Variants in NAV2 observed in about 807,000 individuals in gnomAD.
NAV2 encodes helicase, APC down-regulated 1.
NAV2 carries 54 observed loss-of-function variants against 223.2 expected under a neutral mutation model. The observed-to-expected ratio is 0.24, with a 90% CI of 0.19 to 0.30. The LOEUF is 0.30. NAV2 is among the 10% of genes least tolerant of loss of function. The pLI is 1.00. For missense variants in NAV2, 2,806 were observed against 3,147.5 expected (o/e 0.89, Z 2.60); for synonymous variants, 1,279 against 1,239.3 (o/e 1.03, Z -0.67).
chr11:19,495,857 T>C (rs953064807), intron 1 of NAV2, among the ~76,000 whole-genome samples: 1 of 152,158 alleles, frequency 6.6e-6, no homozygotes, highest in Admixed American at 6.5e-5. Flanking sequence ...TGCTGTCCAC[T>C]TCTCTGATAA....
At chr11:19,946,370 A>G in intron 8 of NAV2, 31 bp from the exon 9 acceptor site, 1 of 1,586,236 alleles carries the variant, frequency 6.3e-7, no homozygotes, top group Non-Finnish European at 8.6e-7. Context: ...TGGTCAGAGA[A>G]TTAAACTAGT....
intron 1 of NAV2, among the ~76,000 whole-genome samples, chr11:19,783,935 AC>A (rs1333820069): frequency 6.6e-6 from 1 of 152,244 alleles, no homozygotes; most frequent in Non-Finnish European, 1.5e-5. Flanking sequence ...ATATGAGTCA[AC>A]AAAAAAGTTT....
chr11:19,576,879 G>T (rs1410963115), intron 1 of NAV2, among the ~76,000 whole-genome samples: 3 of 152,214 alleles, frequency 2.0e-5, no homozygotes, highest in African/African-American at 7.2e-5. Flanking sequence ...CTGGGAAGGT[G>T]TCCTGGGGTC....
intron 11 of NAV2, among the ~76,000 whole-genome samples, chr11:19,987,396 A>G (rs2050891757): frequency 6.6e-6 from 1 of 152,234 alleles, no homozygotes; most frequent in Non-Finnish European, 1.5e-5. Flanking sequence ...AATAGACCAC[A>G]TGAGTTCTAC....
chr11:19,566,571 C>T (rs1379922375), intron 1 of NAV2, among the ~76,000 whole-genome samples: 4 of 152,186 alleles, frequency 2.6e-5, no homozygotes, highest in Non-Finnish European at 5.9e-5. Flanking sequence ...GGCAGCCACC[C>T]CTGTGCCTGA....
Position 19,712,931 on chromosome 11 carries a change from G to A in NAV2, c.-765G>A, listed in dbSNP as rs1462137323. Among the ~76,000 whole-genome samples, 1 of 151,594 alleles carries A rather than the reference G, an allele frequency of 6.6e-6. No individual in the cohort carries two copies. The highest frequency in any genetic ancestry group is 2.4e-5 in the African/African-American group (1 of 41,378). ...CAGCCCTGCCCGGCCCGCCAGCCGC[G>A]CGTCCCGGCGCCCGCGCCCCACGGC... is the stretch of plus-strand genomic sequence containing the variant. On this transcript the variant is annotated 5_prime_UTR_variant, in exon 1 of 38. Coordinates refer to ENST00000349880, the MANE Select transcript of NAV2 (RefSeq NM_145117.5).
intron 1 of NAV2, among the ~76,000 whole-genome samples, chr11:19,533,004 T>C (rs575573595): frequency 6.6e-6 from 1 of 152,324 alleles, no homozygotes; most frequent in African/African-American, 2.4e-5. Flanking sequence ...TGTCCACACA[T>C]AGTGGTACTG....
chr11:19,667,739 G>T (rs1565152034), intron 1 of NAV2, among the ~76,000 whole-genome samples: 1 of 152,210 alleles, frequency 6.6e-6, no homozygotes, highest in South Asian at 2.1e-4. Context: ...TCTTTGCTAT[G>T]AGATTAGCTA....
chr11:19,401,300 CA>C (rs1307266561), intron 1 of NAV2, among the ~76,000 whole-genome samples: 8 of 152,192 alleles, frequency 5.3e-5, no homozygotes, highest in Non-Finnish European at 8.8e-5. Context: ...AATATAAAGA[CA>C]AAACCAAATA....
chr11:19,655,905 A>G (rs910122262), intron 1 of NAV2, among the ~76,000 whole-genome samples: 1 of 152,162 alleles, frequency 6.6e-6, no homozygotes, highest in African/African-American at 2.4e-5. Flanking sequence ...AAAATTTAAA[A>G]AAAAGAATCT....
At chr11:19,618,574 C>G (rs1232095347) in intron 1 of NAV2, among the ~76,000 whole-genome samples, 1 of 152,026 alleles carries the variant, frequency 6.6e-6, no homozygotes, top group Non-Finnish European at 1.5e-5. Flanking sequence ...TCCTTGTCAT[C>G]AGGAGAAGCA....
chr11:19,563,057 C>G (rs2045153570), intron 1 of NAV2, among the ~76,000 whole-genome samples: 1 of 152,180 alleles, frequency 6.6e-6, no homozygotes, highest in South Asian at 2.1e-4. Flanking sequence ...AAAGCAGAAG[C>G]TGGGACACTG....
chr11:20,118,510 G>A lies in NAV2; in HGVS notation c.*252G>A. ...ACTTTAATTATTGTTTTGCCTTGTT[G>A]CTGTGACCTCCCTAAGACACTGAAG... is the stretch of plus-strand genomic sequence containing the variant. On this transcript the variant is annotated 3_prime_UTR_variant, in exon 38 of 38. Coordinates refer to ENST00000349880, the MANE Select transcript of NAV2 (RefSeq NM_145117.5). 2.4e-6 allele frequency: 1 copy of A among 423,052 alleles called. No homozygotes were observed. The highest frequency in any genetic ancestry group is 3.1e-5 in the South Asian group (1 of 32,134). 26.2% of individuals were successfully genotyped at this position (423,052 alleles called of 1,614,324 possible).
At chr11:19,894,645 C>T (rs1461856566) in intron 6 of NAV2, among the ~76,000 whole-genome samples, 1 of 152,204 alleles carries the variant, frequency 6.6e-6, no homozygotes, top group East Asian at 1.9e-4. Context: ...AACAACGAGG[C>T]CCCTTAAAGG....
intron 1 of NAV2, chr11:19,505,898 G>C (rs560188977): frequency 6.6e-6 from 1 of 152,198 alleles, no homozygotes; most frequent in African/African-American, 2.4e-5. Flanking sequence ...GCGAGGCAAA[G>C]AAGGATGCAA....
intron 1 of NAV2, among the ~76,000 whole-genome samples, chr11:19,614,188 C>G (rs1364784670): frequency 1.3e-5 from 2 of 151,968 alleles, no homozygotes; most frequent in African/African-American, 4.8e-5. Context: ...ATGTGGAAGC[C>G]CAGTCGATAA....
At chr11:19,857,535 T>A (rs952973035) in intron 3 of NAV2, among the ~76,000 whole-genome samples, 6 of 152,220 alleles carry the variant, frequency 3.9e-5, no homozygotes, top group Non-Finnish European at 7.3e-5. Context: ...ATGCTCAATC[T>A]GTATTTTCAA....
At chr11:19,714,730 A>G (rs1462919369) in intron 1 of NAV2, among the ~76,000 whole-genome samples, 1 of 152,136 alleles carries the variant, frequency 6.6e-6, no homozygotes, top group Non-Finnish European at 1.5e-5. Context: ...GATGGCTTGA[A>G]GAGAATTGGT....
chr11:19,547,083 G>T (rs1040466566), intron 1 of NAV2, among the ~76,000 whole-genome samples: 5 of 152,140 alleles, frequency 3.3e-5, no homozygotes, highest in African/African-American at 1.2e-4. Flanking sequence ...CATGGGGGTG[G>T]TCCCTGCCTA....
Sources: allele counts gnomAD v4.1 joint callset (sites outside exome capture counted in the v4.1 genomes callset), GRCh38; gene constraint gnomAD v4.1.1; transcripts MANE v1.5; gene names NCBI Gene and HGNC (gene_info 2026-07-23, HGNC 2026-07-21).